Variants in ESR1 observed in about 807,000 individuals in gnomAD.
ESR1 encodes the protein estrogen receptor 1, also known as estrogen receptor.
Under a neutral mutation model 52.7 loss-of-function variants are expected in ESR1, and 12 were observed. That is an observed-to-expected ratio of 0.23 (90% CI 0.15 to 0.37). The LOEUF is 0.37. ESR1 is among the 10% of genes least tolerant of loss of function. The pLI, the probability that ESR1 is intolerant of heterozygous loss-of-function variation, is 1.00. For synonymous variants in ESR1, 305 were observed against 316.8 expected (o/e 0.96, Z 0.39); for missense variants, 584 against 779.7 (o/e 0.75, Z 2.99).
intron 2 of ESR1, among the ~76,000 whole-genome samples, chr6:151,861,782 T>C (rs1709184): frequency 0.47 from 70,926 of 151,874 alleles, 17,473 homozygotes; most frequent in African/African-American, 0.64. Flanking sequence ...TTTTTTTGCC[T>C]GCTTTTTCCA....
chr6:151,936,853 T>C (rs1349609552), intron 3 of ESR1, among the ~76,000 whole-genome samples: 8 of 152,116 alleles, frequency 5.3e-5, no homozygotes, highest in East Asian at 1.9e-4. Flanking sequence ...TAGCACATCA[T>C]AGTGGCCAAA....
intron 1 of ESR1, among the ~76,000 whole-genome samples, chr6:151,673,005 T>C (rs1778127812): frequency 6.6e-6 from 1 of 151,634 alleles, no homozygotes; most frequent in South Asian, 2.1e-4. Flanking sequence ...TTTTTTTTTG[T>C]ATTTTTAGTA....
chr6:151,970,086 C>T (rs1010720997), intron 4 of ESR1, among the ~76,000 whole-genome samples: 1 of 152,054 alleles, frequency 6.6e-6, no homozygotes, highest in Admixed American at 6.6e-5. Context: ...CCCTCTGCCC[C>T]CGGAAAGGCC....
At chr6:152,073,956 CTT>C (rs1009589291) in intron 6 of ESR1, among the ~76,000 whole-genome samples, 3 of 151,846 alleles carry the variant, frequency 2.0e-5, no homozygotes, top group African/African-American at 4.8e-5. Flanking sequence ...TTTTTAAAGA[CTT>C]TATTTTTTAG....
At chr6:151,729,290 A>G (rs2128037054) in intron 2 of ESR1, among the ~76,000 whole-genome samples, 1 of 152,258 alleles carries the variant, frequency 6.6e-6, no homozygotes, top group African/African-American at 2.4e-5. Flanking sequence ...CAAATTTGCC[A>G]ATGCCTTGGC....
chr6:151,806,231 T>A (rs1311059613), upstream of ESR1, among the ~76,000 whole-genome samples: 1 of 152,178 alleles, frequency 6.6e-6, no homozygotes, highest in African/African-American at 2.4e-5. Flanking sequence ...GATTTTGGCT[T>A]CAGCTACATT....
chr6:151,758,462 A>G (rs1784430817), intron 2 of ESR1, among the ~76,000 whole-genome samples: 1 of 152,152 alleles, frequency 6.6e-6, no homozygotes, highest in South Asian at 2.1e-4. Context: ...CCAGTCTTTC[A>G]TTTTATAGAA....
chr6:151,721,999 A>G (rs186144585), intron 2 of ESR1, among the ~76,000 whole-genome samples: 2 of 152,364 alleles, frequency 1.3e-5, no homozygotes, highest in Non-Finnish European at 2.9e-5. Flanking sequence ...GCTTTCCAAC[A>G]GATGGTGACA....
At chr6:151,939,469 C>T (rs2034782620) in intron 3 of ESR1, among the ~76,000 whole-genome samples, 1 of 152,130 alleles carries the variant, frequency 6.6e-6, no homozygotes, top group African/African-American at 2.4e-5. Context: ...CCATGCCACT[C>T]CTGTGGTCCA....
chr6:151,704,231 CT>C (rs1044719986), intron 2 of ESR1, among the ~76,000 whole-genome samples: 14 of 151,816 alleles, frequency 9.2e-5, no homozygotes, highest in African/African-American at 3.4e-4. Flanking sequence ...AAAGTCGATT[CT>C]TTTTTTGTTT....
chr6:151,834,100 G>A (rs1205535765), intron 1 of ESR1, among the ~76,000 whole-genome samples: 2 of 152,150 alleles, frequency 1.3e-5, no homozygotes, highest in Non-Finnish European at 2.9e-5. Flanking sequence ...ACTGTTGGTG[G>A]GAGTGTAAAT....
chr6:151,875,903 C>G (rs969006212), intron 2 of ESR1, among the ~76,000 whole-genome samples: 1 of 152,028 alleles, frequency 6.6e-6, no homozygotes, highest in African/African-American at 2.4e-5. Flanking sequence ...CTTGGAGGAG[C>G]CTCAGGACAT....
In ESR1 at chr6:151,807,826, C is replaced by T. The variant is rs577496882; in HGVS notation, c.-87C>T. Reference sequence around the variant, plus strand: ...GCGCTGCGTCGCCTCTAACCTCGGGCTGTGCTCTTTTTCCAGGTGGCCCGC... The same window carrying T: ...GCGCTGCGTCGCCTCTAACCTCGGGTTGTGCTCTTTTTCCAGGTGGCCCGC... On this transcript the variant is annotated 5_prime_UTR_variant, in exon 1 of 8. Coordinates refer to ENST00000206249, the MANE Select transcript of ESR1 (RefSeq NM_000125.4). The T allele has an allele frequency of 5.0e-6, 6 of 1,201,246 alleles. No individual in the cohort carries two copies. In the South Asian group the frequency reaches 6.4e-5, roughly 13 times the overall value. 74.4% of individuals were successfully genotyped at this position (1,201,246 alleles called of 1,614,324 possible). A position where few individuals can be genotyped will look rare whatever the true frequency, so the allele number is the denominator to read the frequency against.
At chr6:152,047,697 A>G (rs9479180) in intron 5 of ESR1, among the ~76,000 whole-genome samples, 2 of 152,212 alleles carry the variant, frequency 1.3e-5, no homozygotes, top group African/African-American at 4.8e-5. Flanking sequence ...CCCCTAAGCA[A>G]TCTATGCATG....
intron 5 of ESR1, among the ~76,000 whole-genome samples, chr6:152,022,064 G>C (rs2043703411): frequency 6.6e-6 from 1 of 152,120 alleles, no homozygotes; most frequent in Non-Finnish European, 1.5e-5. Flanking sequence ...GTATACTCAG[G>C]CACTCTGGAA....
intron 2 of ESR1, among the ~76,000 whole-genome samples, chr6:151,765,567 C>A (rs1308465885): frequency 6.6e-6 from 1 of 152,124 alleles, no homozygotes; most frequent in Non-Finnish European, 1.5e-5. Flanking sequence ...CTAATTAAAA[C>A]CTTAAGATCC....
exon 7 of ESR1, chr6:152,128,765 G>A (rs9397486): frequency 0.39 from 59,166 of 152,018 alleles, 12,451 homozygotes; most frequent in African/African-American, 0.54. Context: ...GATTAAACAC[G>A]AGATATCTCA....
Position 151,789,159 on chromosome 6 carries a change from AG to A in ESR1, c.-70-18681del, listed in dbSNP as rs1787296569. On this transcript the variant is annotated intron_variant, in intron 2 of 2. Transcript: ENST00000404742. ...AAGTGTTGGTGAGGATGTGGAGAAAAGGGAACCCTTATTACACAATTAGTGG... is the reference window on the plus strand; with the variant it reads ...AAGTGTTGGTGAGGATGTGGAGAAAAGGAACCCTTATTACACAATTAGTGG... Among the ~76,000 whole-genome samples, 2 of 152,236 alleles carry A rather than the reference AG, an allele frequency of 1.3e-5. 1 individual carries two copies. Among genetic ancestry groups the A allele is most frequent in the South Asian group, 4.1e-4 (2 of 4,830 alleles).
intron 1 of ESR1, among the ~76,000 whole-genome samples, chr6:151,659,402 T>C (rs1777563082): frequency 6.6e-6 from 1 of 152,190 alleles, no homozygotes; most frequent in African/African-American, 2.4e-5. Flanking sequence ...TCCCCACTCT[T>C]CTGGTTCCAT....
Sources: gnomAD v4.1 joint callset for allele counts (sites outside exome capture counted in the v4.1 genomes callset) on GRCh38, gnomAD v4.1.1 for gene constraint, MANE v1.5 for transcripts, NCBI Gene and HGNC (gene_info 2026-07-23, HGNC 2026-07-21) for gene names.